EGFR: variants seen among roughly 807,000 people sequenced by gnomAD.
The protein encoded by EGFR is epidermal growth factor receptor, also known as avian erythroblastic leukemia viral (v-erb-b) oncogene homolog.
Under a neutral mutation model 143.0 loss-of-function variants are expected in EGFR, and 58 were observed. The observed-to-expected ratio is 0.41, with a 90% CI of 0.33 to 0.50. The LOEUF is 0.50. Ranked by LOEUF, EGFR falls within the 20% of genes least tolerant of loss-of-function variation. The pLI, the probability that EGFR is intolerant of heterozygous loss-of-function variation, is 0.39. For synonymous variants in EGFR, 613 were observed against 594.4 expected (o/e 1.03, Z -0.45); for missense variants, 1,307 against 1,579.0 (o/e 0.83, Z 2.92).
At chr7:55,123,926 C>T (rs796291692) in intron 1 of EGFR, among the ~76,000 whole-genome samples, 11 of 152,000 alleles carry the variant, frequency 7.2e-5, no homozygotes, top group African/African-American at 2.2e-4. Flanking sequence ...AGTGTGTATA[C>T]GTGTGTGGGC....
chr7:55,131,863 C>A (rs1793857564), intron 1 of EGFR, among the ~76,000 whole-genome samples: 1 of 150,932 alleles, frequency 6.6e-6, no homozygotes, highest in Non-Finnish European at 1.5e-5. Context: ...AACAGTGGAG[C>A]AGCTAGACGT....
intron 1 of EGFR, among the ~76,000 whole-genome samples, chr7:55,058,177 C>T (rs1416789071): frequency 4.6e-5 from 7 of 152,120 alleles, no homozygotes; most frequent in African/African-American, 9.7e-5. Context: ...GGGTGGATCA[C>T]GAGGTCAGGA....
chr7:55,021,920 A>G (rs1358655018), intron 1 of EGFR, among the ~76,000 whole-genome samples: 1 of 152,196 alleles, frequency 6.6e-6, no homozygotes, highest in African/African-American at 2.4e-5. Flanking sequence ...TTCCAACTCC[A>G]GATCCCTCTC....
At chr7:55,082,241 T>C (rs1790504085) in intron 1 of EGFR, among the ~76,000 whole-genome samples, 1 of 152,212 alleles carries the variant, frequency 6.6e-6, no homozygotes, top group East Asian at 1.9e-4. Flanking sequence ...GGGTCATTCC[T>C]GATACCTCAA....
rs1029718066 is a variant in EGFR at position 55,207,579 on chromosome 7, C to T, written c.*1962C>T. ...CTGAGGAGACCTGGAAGGGAGGCCTCACAGGAGGATGACCAGGTCTCAGTC... is the reference window on the plus strand; with the variant it reads ...CTGAGGAGACCTGGAAGGGAGGCCTTACAGGAGGATGACCAGGTCTCAGTC... On this transcript the variant is annotated 3_prime_UTR_variant, in exon 28 of 28. Transcript: ENST00000275493. 1.2e-5 allele frequency: 2 copies of T among 169,400 alleles called. No homozygotes were observed. Among genetic ancestry groups the T allele is most frequent in the Admixed American group, 6.4e-5 (1 of 15,652 alleles). The allele number at this position is 169,400 out of a possible 1,614,324, so 10.5% of individuals were successfully genotyped here.
intron 20 of EGFR, chr7:55,181,855 A>G (rs1349878803): frequency 3.0e-6 from 1 of 334,874 alleles, no homozygotes; most frequent in Non-Finnish European, 5.8e-6. Context: ...AAGCCAGGCC[A>G]AGGCCAGGAG....
At chr7:55,084,077 T>C (rs1316415435) in intron 1 of EGFR, among the ~76,000 whole-genome samples, 1 of 152,222 alleles carries the variant, frequency 6.6e-6, no homozygotes, top group African/African-American at 2.4e-5. Flanking sequence ...AAGATAGAGA[T>C]TGGCTTACCA....
chr7:55,058,930 G>A (rs533361359), intron 1 of EGFR, among the ~76,000 whole-genome samples: 1 of 152,294 alleles, frequency 6.6e-6, no homozygotes, highest in South Asian at 2.1e-4. Context: ...GTGTCTGGAT[G>A]GCTCTAGCAA....
At chr7:55,147,523 A>AAT (rs1794831417) in intron 4 of EGFR, among the ~76,000 whole-genome samples, 2 of 152,168 alleles carry the variant, frequency 1.3e-5, no homozygotes, top group African/African-American at 4.8e-5. Flanking sequence ...AAAAAAAAAA[A>AAT]AATAGAGCTG....
At chr7:55,053,534 T>C (rs572337740) in intron 1 of EGFR, among the ~76,000 whole-genome samples, 12 of 152,258 alleles carry the variant, frequency 7.9e-5, no homozygotes, top group Non-Finnish European at 1.6e-4. Flanking sequence ...CCTTTGCCCA[T>C]GTTCTACTCC....
At chr7:55,132,123 AT>A (rs1793878930) in intron 1 of EGFR, among the ~76,000 whole-genome samples, 1 of 152,088 alleles carries the variant, frequency 6.6e-6, no homozygotes, top group Non-Finnish European at 1.5e-5. Flanking sequence ...ATGGCTTTAA[AT>A]CGCAATTCTG....
rs188956873 is a variant in EGFR, at chr7:55,046,325, G to T, written c.88+26960G>T. Among the ~76,000 whole-genome samples the T allele has an allele frequency of 2.6e-5, 4 of 152,274 alleles. No homozygotes were observed. In the East Asian group the frequency reaches 7.7e-4, roughly 29 times the overall value. On this transcript the variant is annotated intron_variant, in intron 1 of 27. Coordinates refer to ENST00000275493, the MANE Select transcript of EGFR (RefSeq NM_005228.5). ...GAAAAGAATAACCATCTAGGGAAATGTGAATTCAGTTTCTTTCTGACATTC... is the reference window on the plus strand; with the variant it reads ...GAAAAGAATAACCATCTAGGGAAATTTGAATTCAGTTTCTTTCTGACATTC...
At chr7:55,057,730 T>A (rs1051371999) in intron 1 of EGFR, among the ~76,000 whole-genome samples, 1 of 152,196 alleles carries the variant, frequency 6.6e-6, no homozygotes, top group African/African-American at 2.4e-5. Flanking sequence ...AATTTTGAAG[T>A]TCCCATGGTC....
At chr7:55,057,580 A>G (rs1441784336) in intron 1 of EGFR, among the ~76,000 whole-genome samples, 1 of 152,244 alleles carries the variant, frequency 6.6e-6, no homozygotes, top group Admixed American at 6.5e-5. Flanking sequence ...TTTCATTAGA[A>G]CATATTATTT....
intron 1 of EGFR, among the ~76,000 whole-genome samples, chr7:55,125,041 A>G (rs1278320135): frequency 6.6e-6 from 1 of 152,216 alleles, no homozygotes; most frequent in African/African-American, 2.4e-5. Flanking sequence ...ATGTTGATTC[A>G]GCAAATCTGG....
intron 1 of EGFR, among the ~76,000 whole-genome samples, chr7:55,108,339 G>A (rs937868933): frequency 7.9e-5 from 12 of 152,256 alleles, no homozygotes; most frequent in Non-Finnish European, 1.6e-4. Flanking sequence ...CGCCAGAGCT[G>A]CCCTGGGTGC....
intron 1 of EGFR, among the ~76,000 whole-genome samples, chr7:55,089,821 T>A (rs1344527561): frequency 6.6e-6 from 1 of 152,128 alleles, no homozygotes; most frequent in Non-Finnish European, 1.5e-5. Flanking sequence ...CCACACGGGA[T>A]TTGCTTCTTG....
chr7:55,147,733 A>G (rs776582465), intron 4 of EGFR, among the ~76,000 whole-genome samples: 52 of 152,178 alleles, frequency 3.4e-4, no homozygotes, highest in Non-Finnish European at 7.3e-4. Flanking sequence ...GAACTCTTTT[A>G]TCTTGCAAAG....
At chr7:55,170,716 C>T (rs1314702565) in intron 15 of EGFR, 10 of 1,515,298 alleles carry the variant, frequency 6.6e-6, no homozygotes, top group Admixed American at 4.1e-5. Flanking sequence ...ACCTCTTCCT[C>T]CTCGCTGCCA....
Sources: gnomAD v4.1 joint callset for allele counts (sites outside exome capture counted in the v4.1 genomes callset) on GRCh38, gnomAD v4.1.1 for gene constraint, MANE v1.5 for transcripts, NCBI Gene and HGNC (gene_info 2026-07-23, HGNC 2026-07-21) for gene names.